ZNF624: variants seen among roughly 807,000 people sequenced by gnomAD.
ZNF624 encodes zinc finger protein 624.
In ZNF624, 43 loss-of-function variants were observed where a neutral mutation model predicts 74.7. The ratio of observed to expected loss-of-function variants is 0.58; its 90% CI spans 0.45 to 0.74. ZNF624 has a LOEUF of 0.74. ZNF624 is among the 30% of genes least tolerant of loss of function. The pLI, the probability that ZNF624 is intolerant of heterozygous loss-of-function variation, is 0.00. For missense variants in ZNF624, 820 were observed against 1,030.0 expected, an observed-to-expected ratio of 0.80 and a Z score of 2.79; for synonymous variants, 331 against 341.3, an observed-to-expected ratio of 0.97 and a Z score of 0.33.
intron 3 of ZNF624, among the ~76,000 whole-genome samples, chr17:16,642,646 CA>C (rs1393740648): frequency 6.6e-6 from 1 of 152,018 alleles, no homozygotes; most frequent in Non-Finnish European, 1.5e-5. Flanking sequence ...GCACACTAGA[CA>C]AAAGACAAGA....
Position 16,634,715 on chromosome 17 carries a change from C to A in ZNF624, c.195G>T (p.Leu65Phe). 1.2e-6 allele frequency: 2 copies of A among 1,613,718 alleles called. No individual in the cohort carries two copies. The highest frequency in any genetic ancestry group is 1.7e-6 in the Non-Finnish European group (2 of 1,179,670). The part of the protein sequence containing the change: ...TFKDVAIDFT[L>F]EEWRLMDPTQ... ...TAGGGTCCATCAACCTCCACTCCTC[C>A]AATGTGAAGTCTATAGCCACATCCT... Residue 65 changes from leucine to phenylalanine, a missense_variant, in exon 4 of 6, where the codon TTG becomes TTT. Leu to Phe is a conservative substitution (Grantham distance 22). Transcript: ENST00000311331.
intron 3 of ZNF624, among the ~76,000 whole-genome samples, chr17:16,637,136 A>G (rs1374751573): frequency 6.6e-6 from 1 of 152,216 alleles, no homozygotes; most frequent in Non-Finnish European, 1.5e-5. Flanking sequence ...TTCAAAGAGA[A>G]TAAAATACCT....
intron 4 of ZNF624, among the ~76,000 whole-genome samples, chr17:16,634,159 T>C (rs572604293): frequency 6.6e-6 from 1 of 152,286 alleles, no homozygotes; most frequent in South Asian, 2.1e-4. Flanking sequence ...TAAAATTCAG[T>C]TCTTCAGATG....
intron 3 of ZNF624, among the ~76,000 whole-genome samples, chr17:16,644,683 T>C (rs1909545774): frequency 1.3e-5 from 2 of 152,310 alleles, no homozygotes; most frequent in South Asian, 4.1e-4. Flanking sequence ...ACTGAGAAAG[T>C]AAAATTCTGC....
chr17:16,636,343 G>A (rs115882582), intron 3 of ZNF624, among the ~76,000 whole-genome samples: 1 of 152,254 alleles, frequency 6.6e-6, no homozygotes, highest in African/African-American at 2.4e-5. Context: ...CTGAGGGAAG[G>A]TTTCTCTTTA....
intron 3 of ZNF624, among the ~76,000 whole-genome samples, chr17:16,641,160 T>C (rs559176420): frequency 1.6e-4 from 24 of 152,364 alleles, no homozygotes; most frequent in Admixed American, 2.6e-4. Flanking sequence ...ATCAACCTGA[T>C]AAAGACTCTC....
At chr17:16,614,825 T>G in the ZNF624 span, among the ~76,000 whole-genome samples, 1 of 152,176 alleles carries the variant, frequency 6.6e-6, no homozygotes, top group African/African-American at 2.4e-5. Context: ...CAATAATATA[T>G]TAAAAATATT....
chr17:16,618,002 C>A, downstream of ZNF624: 1 of 618,308 alleles, frequency 1.6e-6, no homozygotes. Context: ...TAGTGGCGGC[C>A]GAGTCCAGCC....
chr17:16,630,538 C>T (rs1005528106), intron 5 of ZNF624, among the ~76,000 whole-genome samples: 3 of 151,904 alleles, frequency 2.0e-5, no homozygotes, highest in Non-Finnish European at 4.4e-5. Context: ...GCCTGGGCGA[C>T]GAGAGTGAAA....
At chr17:16,620,394 T>C (rs923257439), downstream of ZNF624, among the ~76,000 whole-genome samples, 1 of 152,226 alleles carries the variant, frequency 6.6e-6, no homozygotes, top group African/African-American at 2.4e-5. Context: ...GCCTCTTCCA[T>C]AAAGACACCT....
downstream of ZNF624, among the ~76,000 whole-genome samples, chr17:16,619,208 CA>C (rs1204625152): frequency 6.6e-6 from 1 of 152,056 alleles, no homozygotes; most frequent in African/African-American, 2.4e-5. Flanking sequence ...ACCTCTACTC[CA>C]TACCATAAAT....
chr17:16,624,582 A>C (rs1909019729), intron 5 of ZNF624, 73 bp from the exon 6 acceptor site: 1 of 1,308,932 alleles, frequency 7.6e-7, no homozygotes, highest in South Asian at 1.5e-5. Context: ...AGAATAATAA[A>C]AGCAATAAAT....
chr17:16,615,616 A>G, the ZNF624 span, among the ~76,000 whole-genome samples: 3 of 152,192 alleles, frequency 2.0e-5, no homozygotes, highest in Non-Finnish European at 4.4e-5. Context: ...GATGAAATTC[A>G]ACACCCATCC....
At chr17:16,642,752 A>G (rs960166026) in intron 3 of ZNF624, among the ~76,000 whole-genome samples, 1 of 152,232 alleles carries the variant, frequency 6.6e-6, no homozygotes, top group African/African-American at 2.4e-5. Context: ...GTAAGAAAAT[A>G]TTTACAAACC....
At chr17:16,637,518 G>T (rs1264699858) in intron 3 of ZNF624, among the ~76,000 whole-genome samples, 1 of 152,056 alleles carries the variant, frequency 6.6e-6, no homozygotes, top group Non-Finnish European at 1.5e-5. Context: ...CCAAAACAGA[G>T]ATATAGATCA....
downstream of ZNF624, chr17:16,617,310 G>C: frequency 3.7e-6 from 6 of 1,613,768 alleles, no homozygotes; most frequent in Non-Finnish European, 5.1e-6. Context: ...TGCTTCCAGA[G>C]TAAGATCGCC....
At chr17:16,642,901 T>A (rs1417314581) in intron 3 of ZNF624, among the ~76,000 whole-genome samples, 1 of 152,100 alleles carries the variant, frequency 6.6e-6, no homozygotes, top group African/African-American at 2.4e-5. Context: ...AAGTGGCCAA[T>A]AAGTATGCTC....
intron 3 of ZNF624, among the ~76,000 whole-genome samples, chr17:16,644,996 C>G (rs947595536): frequency 1.4e-4 from 22 of 152,304 alleles, no homozygotes; most frequent in Middle Eastern, 6.8e-3. Flanking sequence ...TTACATTTAA[C>G]TTTGTATTTT....
intron 3 of ZNF624, among the ~76,000 whole-genome samples, chr17:16,641,149 C>T (rs4352086): frequency 0.23 from 34,791 of 152,098 alleles, 4,398 homozygotes; most frequent in East Asian, 0.35. Flanking sequence ...AAGCAAACAT[C>T]ATCAACCTGA....
Sources: allele counts gnomAD v4.1 joint callset (sites outside exome capture counted in the v4.1 genomes callset), GRCh38; gene constraint gnomAD v4.1.1; transcripts MANE v1.5; gene names NCBI Gene and HGNC (gene_info 2026-07-23, HGNC 2026-07-21).